The following RAPGEF1 variants were observed in gnomAD, a reference collection of about 807,000 sequenced individuals.
RAPGEF1 encodes CRK SH3-binding GNRP.
A neutral mutation model predicts 143.3 loss-of-function variants in RAPGEF1; 33 were observed. The ratio of observed to expected loss-of-function variants is 0.23; its 90% CI spans 0.17 to 0.31. The LOEUF is 0.31. Among genes scored for constraint, RAPGEF1 ranks in the 10% least tolerant of loss-of-function variants. The pLI, the probability that RAPGEF1 is intolerant of heterozygous loss-of-function variation, is 1.00. For missense variants in RAPGEF1, 1,199 were observed against 1,645.4 expected (o/e 0.73, Z 4.69); for synonymous variants, 629 against 676.5 (o/e 0.93, Z 1.09).
intron 1 of RAPGEF1, among the ~76,000 whole-genome samples, chr9:131,718,196 A>C (rs7020704): frequency 0.31 from 47,655 of 152,136 alleles, 7,514 homozygotes; most frequent in South Asian, 0.38. Context: ...CGGCAAGTGC[A>C]AAGGCTCTGA....
chr9:131,641,805 C>T lies in RAPGEF1; in HGVS notation c.494+1434G>A, dbSNP rs1041555816. Among the ~76,000 whole-genome samples the T allele has an allele frequency of 3.2e-4, 48 of 152,238 alleles. No homozygotes were observed. Among genetic ancestry groups the T allele is most frequent in the African/African-American group, 1.1e-3 (45 of 41,466 alleles). On this transcript the variant is annotated intron_variant, in intron 4 of 26. Coordinates refer to ENST00000683357, the MANE Select transcript of RAPGEF1 (RefSeq NM_001377935.1). This position sits in a 1 kb window ranked among gnomAD's most constrained non-coding sequence, Gnocchi z 4.6. ...CTGCCTCCTTCCCGTCACCAACCAG[C>T]GCCAGCGAGCTTCTGGCCAAAAGAC...
chr9:131,656,361 C>A (rs1320467260), intron 1 of RAPGEF1, among the ~76,000 whole-genome samples: 1 of 152,216 alleles, frequency 6.6e-6, no homozygotes, highest in Non-Finnish European at 1.5e-5. Context: ...CTATTGCTGT[C>A]CCTACTCCAT....
intron 4 of RAPGEF1, among the ~76,000 whole-genome samples, chr9:131,642,340 C>T (rs1378436645): frequency 2.0e-5 from 3 of 152,220 alleles, no homozygotes; most frequent in African/African-American, 7.2e-5. Context: ...ATACCAGAAG[C>T]AGGGCTCACG....
At chr9:131,686,453 C>T (rs928578355) in intron 1 of RAPGEF1, among the ~76,000 whole-genome samples, 3 of 152,136 alleles carry the variant, frequency 2.0e-5, no homozygotes, top group Non-Finnish European at 4.4e-5. Context: ...TCAGACCCAA[C>T]CCCCCACCTG....
chr9:131,579,795 A>G (rs1189233835), intron 26 of RAPGEF1, 148 bp from the exon 27 acceptor site: 9 of 827,954 alleles, frequency 1.1e-5, no homozygotes, highest in African/African-American at 1.7e-5. Context: ...CCAATGTGAC[A>G]GAGGGGACAC....
At position 131,584,186 on chromosome 9, in the gene RAPGEF1, G is replaced by A. The variant is rs1266007997; in HGVS notation, c.3414+125C>T. 5 of 844,930 alleles carry A rather than the reference G, an allele frequency of 5.9e-6. No individual in the cohort carries two copies. The African/African-American group carries it at 8.5e-5, about 14-fold the overall frequency. The allele number at this position is 844,930 out of a possible 1,614,324, so 52.3% of individuals were successfully genotyped here. A position where few individuals can be genotyped will look rare whatever the true frequency, so the allele number is the denominator to read the frequency against. On this transcript the variant is annotated intron_variant, in intron 24 of 26. Coordinates refer to ENST00000683357, the MANE Select transcript of RAPGEF1 (RefSeq NM_001377935.1). This position sits in a 1 kb window ranked among gnomAD's most constrained non-coding sequence, Gnocchi z 6.8. ...GTTCTGGTCACACAGCATGTCGGTG[G>A]CAGAGCAGGGGCCTAGGCCCAGCAT... is the stretch of plus-strand genomic sequence containing the variant.
chr9:131,643,267 C>G lies in RAPGEF1; in HGVS notation c.466G>C (p.Val156Leu), dbSNP rs754973960. 1 of 1,612,638 alleles carries G rather than the reference C, an allele frequency of 6.2e-7. No homozygotes were observed. The highest frequency in any genetic ancestry group is 8.5e-7 in the Non-Finnish European group (1 of 1,179,588). ...SKVLEAILPL[V>L]QNDPRIQHSS... ...TGCTGAATTCGAGGATCGTTCTGCA[C>G]CAGGGGTAAGATGGCCTCCAGCACC... is the stretch of plus-strand genomic sequence containing the variant. The change falls in exon 4 of 27, where the codon GTG becomes CTG. Residue 156 changes from valine (V) to leucine (L), a missense_variant. Around this residue, in one of 6 missense-constraint regions of RAPGEF1, gnomAD observed 613 missense variants for 710.9 expected, o/e 0.86. Transcript: ENST00000683357.
At chr9:131,723,573 C>T (rs1040529618) in intron 1 of RAPGEF1, among the ~76,000 whole-genome samples, 2 of 152,180 alleles carry the variant, frequency 1.3e-5, no homozygotes, top group African/African-American at 4.8e-5. Context: ...GCATAATGTC[C>T]TCAAGGTTCA....
chr9:131,594,609 A>G (rs1588274386), intron 17 of RAPGEF1, among the ~76,000 whole-genome samples: 2 of 152,170 alleles, frequency 1.3e-5, no homozygotes, highest in Admixed American at 1.3e-4. Context: ...TTGCTTTGTT[A>G]CCTGCCACAG....
At chr9:131,634,451 G>A (rs1371934772) in intron 5 of RAPGEF1, among the ~76,000 whole-genome samples, 1 of 152,020 alleles carries the variant, frequency 6.6e-6, no homozygotes, top group African/African-American at 2.4e-5. Flanking sequence ...GGTGGTTCAC[G>A]CCTGTCATCC....
At chr9:131,709,753 T>TCACTC in intron 1 of RAPGEF1, 1 of 1,609,320 alleles carries the variant, frequency 6.2e-7, no homozygotes, top group Non-Finnish European at 8.5e-7. Flanking sequence ...GAGGACCGAG[T>TCACTC]CACTGGCTGA....
At chr9:131,676,807 A>G (rs1256462584) in intron 1 of RAPGEF1, among the ~76,000 whole-genome samples, 1 of 152,274 alleles carries the variant, frequency 6.6e-6, no homozygotes, top group Non-Finnish European at 1.5e-5. Context: ...ATCCACAGGC[A>G]TTAGCCTAGT....
chr9:131,637,544 T>C (rs1262522439), intron 5 of RAPGEF1, among the ~76,000 whole-genome samples: 1 of 151,938 alleles, frequency 6.6e-6, no homozygotes, highest in African/African-American at 2.4e-5. Context: ...CCTCGTTGAG[T>C]GGGAAGGAAT....
At position 131,625,921 on chromosome 9, in the gene RAPGEF1, C is replaced by A; in HGVS notation, c.1702+1G>T. ...CTGACAACAGTGCAACAAAGGCTTA[C>A]TGTGTTTGTTTTTCTTCTCTGGTAG... On this transcript the variant is annotated splice_donor_variant, in intron 10 of 26. Transcript: ENST00000683357. LOFTEE classifies it high-confidence loss of function. 1 of 1,559,144 alleles carries A rather than the reference C, an allele frequency of 6.4e-7. No individual in the cohort carries two copies. The highest frequency in any genetic ancestry group is 8.7e-7 in the Non-Finnish European group (1 of 1,147,332).
chr9:131,626,509 C>G lies in RAPGEF1; in HGVS notation c.1202-87G>C, dbSNP rs567661216. ...TCCCCCCGCCCGCCTCTCGCCGGCT[C>G]GCTCATGGGTGTGTGACAAAGACCT... On this transcript the variant is annotated intron_variant, in intron 9 of 26. Coordinates refer to ENST00000683357, the MANE Select transcript of RAPGEF1 (RefSeq NM_001377935.1). 6 of 1,365,080 alleles carry G rather than the reference C, an allele frequency of 4.4e-6. No individual in the cohort carries two copies. The African/African-American group carries it at 8.7e-5, about 20-fold the overall frequency. The allele number at this position is 1,365,080 out of a possible 1,614,324, so 84.6% of individuals were successfully genotyped here.
chr9:131,591,315 G>C (rs144143813), intron 18 of RAPGEF1, among the ~76,000 whole-genome samples: 80 of 152,324 alleles, frequency 5.3e-4, no homozygotes, highest in African/African-American at 1.9e-3. Flanking sequence ...GGTGGACTCA[G>C]GACTTCCTAC....
Position 131,596,378 on chromosome 9 carries a change from A to C in RAPGEF1, c.2614-5T>G. ...GACGTCCGGCCCGTCATCACCCTGT[A>C]ATGAACACAGCCAAGGAAGGTATGA... On this transcript the variant is annotated splice_region_variant and splice_polypyrimidine_tract_variant and intron_variant, in intron 16 of 26. Coordinates refer to ENST00000683357, the MANE Select transcript of RAPGEF1 (RefSeq NM_001377935.1). 6.2e-7 allele frequency: 1 copy of C among 1,613,900 alleles called. No individual in the cohort carries two copies. The highest frequency in any genetic ancestry group is 8.5e-7 in the Non-Finnish European group (1 of 1,179,788).
intron 1 of RAPGEF1, among the ~76,000 whole-genome samples, chr9:131,687,435 T>A (rs944507916): frequency 3.3e-5 from 5 of 152,048 alleles, no homozygotes; most frequent in Non-Finnish European, 7.4e-5. Context: ...CCTCAAGTGA[T>A]CCGCCTGCCT....
At chr9:131,606,819 C>T (rs1425092137) in intron 12 of RAPGEF1, among the ~76,000 whole-genome samples, 1 of 151,976 alleles carries the variant, frequency 6.6e-6, no homozygotes, top group African/African-American at 2.4e-5. Flanking sequence ...GAAACGGGGT[C>T]TTTCTATGTT....
Sources: allele counts gnomAD v4.1 joint callset (sites outside exome capture counted in the v4.1 genomes callset), GRCh38; gene constraint gnomAD v4.1.1; regional missense constraint gnomAD v4.1.1; non-coding constraint Gnocchi (gnomAD v3.1); transcripts MANE v1.5; gene names NCBI Gene and HGNC (gene_info 2026-07-23, HGNC 2026-07-21).